Variants in FAM117A observed in about 807,000 individuals in gnomAD.
FAM117A encodes the protein family with sequence similarity 117 member A, also known as protein FAM117A.
Under a neutral mutation model 44.1 loss-of-function variants are expected in FAM117A, and 21 were observed. The observed-to-expected ratio is 0.48, with a 90% confidence interval of 0.34 to 0.69. The LOEUF is 0.69. FAM117A is among the 30% of genes least tolerant of loss of function. The pLI, the probability that FAM117A is intolerant of heterozygous loss-of-function variation, is 0.01. For synonymous variants in FAM117A, 220 were observed against 238.3 expected, an observed-to-expected ratio of 0.92 and a Z score of 0.71; for missense variants, 498 against 589.9, an observed-to-expected ratio of 0.84 and a Z score of 1.61.
At chr17:49,712,107 T>C (rs768699492) in intron 7 of FAM117A, among the ~76,000 whole-genome samples, 75 of 152,142 alleles carry the variant, frequency 4.9e-4, no homozygotes, top group Non-Finnish European at 9.6e-4. Flanking sequence ...GATCGTGCCA[T>C]TGCACTCCAG....
chr17:49,765,097 CATGAT>C (rs930376151), upstream of FAM117A, among the ~76,000 whole-genome samples: 2 of 152,004 alleles, frequency 1.3e-5, no homozygotes, highest in African/African-American at 4.8e-5. Context: ...GTGAAAAGCA[CATGAT>C]ATAATAATAT....
intron 1 of FAM117A, among the ~76,000 whole-genome samples, chr17:49,760,041 G>C (rs1282889694): frequency 6.6e-6 from 1 of 152,172 alleles, no homozygotes; most frequent in East Asian, 1.9e-4. Flanking sequence ...AGAGAGGAGA[G>C]GGGGCAAATT....
chr17:49,762,852 C>G (rs995314168), intron 1 of FAM117A, among the ~76,000 whole-genome samples: 1 of 152,152 alleles, frequency 6.6e-6, no homozygotes. Context: ...TAAGTACTTG[C>G]ATTTGTGGGA....
intron 1 of FAM117A, among the ~76,000 whole-genome samples, chr17:49,739,414 T>C (rs148843014): frequency 7.9e-5 from 12 of 152,300 alleles, no homozygotes; most frequent in African/African-American, 2.9e-4. Flanking sequence ...ACAAAGCTGC[T>C]TGCAGACCGG....
At position 49,722,606 on chromosome 17, in the gene FAM117A, G is replaced by GA; in HGVS notation, c.367-13dup. The GA allele has an allele frequency of 6.2e-7, 1 of 1,610,552 alleles. No individual in the cohort carries two copies. The stretch of plus-strand genomic sequence containing the variant: ...CAGGACAGGGGCGTCTGCAGGGAGA[G>GA]AAACACAGTGAGACACAGCAGCTTC... On this transcript the variant is annotated splice_polypyrimidine_tract_variant and intron_variant, in intron 2 of 7. Coordinates refer to ENST00000240364, the MANE Select transcript of FAM117A (RefSeq NM_030802.4).
intron 7 of FAM117A, among the ~76,000 whole-genome samples, 193 bp downstream of exon 7, chr17:49,715,972 T>C (rs1049310874): frequency 9.9e-5 from 15 of 152,262 alleles, no homozygotes; most frequent in African/African-American, 3.4e-4. Context: ...CAGGTTTCTA[T>C]GGAGATAATG....
upstream of FAM117A, among the ~76,000 whole-genome samples, chr17:49,768,616 A>G (rs1212264630): frequency 6.6e-6 from 1 of 152,274 alleles, no homozygotes; most frequent in Non-Finnish European, 1.5e-5. Flanking sequence ...CTGGCTCCTC[A>G]GGGAACAAGA....
intron 1 of FAM117A, among the ~76,000 whole-genome samples, chr17:49,757,559 C>T (rs1345112996): frequency 6.6e-6 from 1 of 152,204 alleles, no homozygotes; most frequent in Non-Finnish European, 1.5e-5. Flanking sequence ...TGAGCCCGAA[C>T]ACTAGCAGCC....
intron 2 of FAM117A, among the ~76,000 whole-genome samples, chr17:49,725,849 G>A (rs1042076842): frequency 3.3e-5 from 5 of 152,176 alleles, no homozygotes; most frequent in Admixed American, 6.5e-5. Flanking sequence ...CATTACAAAC[G>A]TCCTTAAATA....
upstream of FAM117A, among the ~76,000 whole-genome samples, chr17:49,764,580 T>C (rs1392431959): frequency 2.0e-5 from 3 of 152,202 alleles, no homozygotes; most frequent in Non-Finnish European, 4.4e-5. Context: ...CTTTACACAG[T>C]TGAGTCCCTG....
chr17:49,772,807 A>T (rs2073764996), intron 1 of FAM117A, among the ~76,000 whole-genome samples: 1 of 152,172 alleles, frequency 6.6e-6, no homozygotes, highest in South Asian at 2.1e-4. Flanking sequence ...GAGTAATTTG[A>T]AAAGTGGTCT....
intron 6 of FAM117A, among the ~76,000 whole-genome samples, chr17:49,716,845 G>A (rs1199935251): frequency 6.6e-6 from 1 of 152,124 alleles, no homozygotes; most frequent in African/African-American, 2.4e-5. Flanking sequence ...GACTTTATCT[G>A]TATTTATCTC....
chr17:49,752,457 C>T lies in FAM117A; in HGVS notation c.196+11435G>A, dbSNP rs1035594389. Among the ~76,000 whole-genome samples, 8 of 152,320 alleles carry T rather than the reference C, an allele frequency of 5.3e-5. No homozygotes were observed. In the South Asian group the frequency reaches 1.0e-3, roughly 20 times the overall value. On this transcript the variant is annotated intron_variant, in intron 1 of 7. Transcript: ENST00000240364. Reference sequence around the variant, plus strand: ...TGGCACAATGCCACTTGCATCTACCCCCACCCCTGCCATAGGAACGCATCA... The same window carrying T: ...TGGCACAATGCCACTTGCATCTACCTCCACCCCTGCCATAGGAACGCATCA...
At chr17:49,776,706 A>T (rs2143802020) in intron 1 of FAM117A, among the ~76,000 whole-genome samples, 1 of 152,274 alleles carries the variant, frequency 6.6e-6, no homozygotes. Flanking sequence ...AAACCAGAAG[A>T]TTAAAGGAGG....
chr17:49,788,657 A>G (rs1248662000), upstream of FAM117A: 5 of 570,830 alleles, frequency 8.8e-6, no homozygotes, highest in South Asian at 2.6e-5. Flanking sequence ...TGAAGGAAAA[A>G]GCGCTTCAGC....
At chr17:49,774,650 G>C (rs2073770941) in intron 1 of FAM117A, among the ~76,000 whole-genome samples, 1 of 152,186 alleles carries the variant, frequency 6.6e-6, no homozygotes, top group South Asian at 2.1e-4. Flanking sequence ...GAGCCACCGT[G>C]CTCTGTCAAC....
intron 2 of FAM117A, among the ~76,000 whole-genome samples, chr17:49,729,055 A>AT (rs1476612368): frequency 6.6e-6 from 1 of 152,208 alleles, no homozygotes; most frequent in Non-Finnish European, 1.5e-5. Context: ...CTAGGATGAG[A>AT]TTGTTGGCAC....
chr17:49,768,970 T>A (rs750378962), upstream of FAM117A, among the ~76,000 whole-genome samples: 1 of 152,244 alleles, frequency 6.6e-6, no homozygotes, highest in Admixed American at 6.5e-5. Context: ...AGTGGCCATC[T>A]ACTTTCCTTG....
chr17:49,743,333 T>C (rs2073641913), intron 1 of FAM117A, among the ~76,000 whole-genome samples: 1 of 152,064 alleles, frequency 6.6e-6, no homozygotes, highest in Admixed American at 6.5e-5. Context: ...TGGTGGTTCC[T>C]ACCAGTAAGT....
Sources: gnomAD v4.1 joint callset for allele counts (sites outside exome capture counted in the v4.1 genomes callset) on GRCh38, gnomAD v4.1.1 for gene constraint, MANE v1.5 for transcripts, NCBI Gene and HGNC (gene_info 2026-07-23, HGNC 2026-07-21) for gene names.